MARCHF11: variants seen among roughly 807,000 people sequenced by gnomAD.
MARCHF11 encodes the protein E3 ubiquitin-protein ligase MARCHF11.
Under a neutral mutation model 37.3 loss-of-function variants are expected in MARCHF11, and 29 were observed. That is an observed-to-expected ratio of 0.78 (90% CI 0.58 to 1.06). The LOEUF is 1.06. Ranked by LOEUF, MARCHF11 falls within the 50% of genes least tolerant of loss-of-function variation. The pLI, the probability that MARCHF11 is intolerant of heterozygous loss-of-function variation, is 0.00. For missense variants in MARCHF11, 482 were observed against 533.4 expected, an observed-to-expected ratio of 0.90 and a Z score of 0.95; for synonymous variants, 233 against 228.0, an observed-to-expected ratio of 1.02 and a Z score of -0.20.
chr5:16,134,045 T>C (rs745839245), intron 2 of MARCHF11, among the ~76,000 whole-genome samples: 3 of 152,278 alleles, frequency 2.0e-5, no homozygotes, highest in South Asian at 2.1e-4. Flanking sequence ...GTCAACTCTA[T>C]TGATAAAAAG....
intron 3 of MARCHF11, among the ~76,000 whole-genome samples, chr5:16,068,081 T>C (rs1736378929): frequency 1.3e-5 from 2 of 152,222 alleles, no homozygotes; most frequent in Admixed American, 1.3e-4. Flanking sequence ...TGGGAATTTA[T>C]ATTGCCTTAG....
At chr5:16,112,154 C>G (rs1043998892) in intron 2 of MARCHF11, among the ~76,000 whole-genome samples, 2 of 152,180 alleles carry the variant, frequency 1.3e-5, no homozygotes, top group African/African-American at 4.8e-5. Context: ...CACATGGAGT[C>G]CCCACTGGGG....
At chr5:16,113,443 T>C (rs1318620336) in intron 2 of MARCHF11, among the ~76,000 whole-genome samples, 5 of 152,228 alleles carry the variant, frequency 3.3e-5, no homozygotes, top group South Asian at 4.1e-4. Context: ...CTCAATGTTA[T>C]TATTGTTCGA....
At chr5:16,119,193 T>A (rs768113269) in intron 2 of MARCHF11, among the ~76,000 whole-genome samples, 1 of 151,784 alleles carries the variant, frequency 6.6e-6, no homozygotes, top group Admixed American at 6.6e-5. Context: ...TGAAAACCCA[T>A]CTCCACTAAA....
chr5:16,091,684 C>T (rs897107597), intron 2 of MARCHF11, among the ~76,000 whole-genome samples: 2 of 152,140 alleles, frequency 1.3e-5, no homozygotes, highest in Admixed American at 6.5e-5. Flanking sequence ...AATGGGTAAG[C>T]CATGAAGTAT....
At chr5:16,092,360 A>G (rs1181381592) in intron 2 of MARCHF11, among the ~76,000 whole-genome samples, 1 of 152,228 alleles carries the variant, frequency 6.6e-6, no homozygotes, top group Non-Finnish European at 1.5e-5. Flanking sequence ...TCTAAAGTCA[A>G]TTACCTTATT....
chr5:16,165,630 G>A (rs932214639), intron 2 of MARCHF11, among the ~76,000 whole-genome samples: 3 of 151,936 alleles, frequency 2.0e-5, no homozygotes, highest in Admixed American at 6.6e-5. Context: ...TTTTTCTCAC[G>A]GTTAGACTAT....
intron 3 of MARCHF11, among the ~76,000 whole-genome samples, chr5:16,070,246 T>C (rs1213444738): frequency 1.3e-5 from 2 of 152,204 alleles, no homozygotes; most frequent in African/African-American, 2.4e-5. Flanking sequence ...ATTTAACATT[T>C]CGGGTTCAAT....
intron 2 of MARCHF11, among the ~76,000 whole-genome samples, chr5:16,171,582 T>C (rs1431925748): frequency 6.6e-6 from 1 of 152,186 alleles, no homozygotes; most frequent in African/African-American, 2.4e-5. Context: ...TCAGTCGCTA[T>C]AAGTAAAGTT....
intron 2 of MARCHF11, among the ~76,000 whole-genome samples, chr5:16,164,420 C>G (rs2126606243): frequency 6.6e-6 from 1 of 152,174 alleles, no homozygotes; most frequent in Middle Eastern, 3.4e-3. Context: ...ATCAACTACA[C>G]CATACAGACA....
intron 2 of MARCHF11, 118 bp from the exon 3 acceptor site, chr5:16,091,199 C>T: frequency 1.4e-6 from 1 of 703,322 alleles, no homozygotes; most frequent in Non-Finnish European, 2.1e-6. Flanking sequence ...TCTGATGAGA[C>T]CCCAAATGAA....
chr5:16,095,938 C>T (rs1006376331), intron 2 of MARCHF11, among the ~76,000 whole-genome samples: 9 of 152,190 alleles, frequency 5.9e-5, no homozygotes, highest in Admixed American at 2.0e-4. Flanking sequence ...TAGTTTCCAC[C>T]ACTCATCCAA....
chr5:16,146,444 T>C (rs921537069), intron 2 of MARCHF11, among the ~76,000 whole-genome samples: 1 of 152,182 alleles, frequency 6.6e-6, no homozygotes, highest in African/African-American at 2.4e-5. Context: ...AGTATTCATG[T>C]TGAGGATGAT....
chr5:16,083,284 G>A (rs1736643196), intron 3 of MARCHF11, among the ~76,000 whole-genome samples: 1 of 152,170 alleles, frequency 6.6e-6, no homozygotes, highest in Non-Finnish European at 1.5e-5. Context: ...AGGGAGACCA[G>A]GAAAGAGCTT....
chr5:16,144,278 C>G (rs868676452), intron 2 of MARCHF11, among the ~76,000 whole-genome samples: 2 of 152,092 alleles, frequency 1.3e-5, no homozygotes, highest in South Asian at 2.1e-4. Context: ...AGAATATGTC[C>G]TTGAATAGCC....
At chr5:16,124,089 G>A (rs576997418) in intron 2 of MARCHF11, among the ~76,000 whole-genome samples, 17 of 152,272 alleles carry the variant, frequency 1.1e-4, no homozygotes, top group Middle Eastern at 6.8e-3. Flanking sequence ...AGGAGACAAC[G>A]AGAGTGACGT....
intron 2 of MARCHF11, among the ~76,000 whole-genome samples, chr5:16,130,325 C>A (rs1044432948): frequency 6.6e-6 from 1 of 151,864 alleles, no homozygotes; most frequent in Non-Finnish European, 1.5e-5. Context: ...CTCTGTCTTA[C>A]TAGCCAATAA....
intron 2 of MARCHF11, among the ~76,000 whole-genome samples, chr5:16,146,760 A>C (rs1737802846): frequency 6.6e-6 from 1 of 152,196 alleles, no homozygotes; most frequent in African/African-American, 2.4e-5. Flanking sequence ...ATCTCAATTT[A>C]GCTTTCAACA....
chr5:16,080,272 G>A (rs1368830288), intron 3 of MARCHF11, among the ~76,000 whole-genome samples: 2 of 152,086 alleles, frequency 1.3e-5, no homozygotes, highest in African/African-American at 2.4e-5. Flanking sequence ...GGCACTGTTG[G>A]CCACTTGCTC....
Sources: gnomAD v4.1 joint callset for allele counts (sites outside exome capture counted in the v4.1 genomes callset) on GRCh38, gnomAD v4.1.1 for gene constraint, MANE v1.5 for transcripts, NCBI Gene and HGNC (gene_info 2026-07-23, HGNC 2026-07-21) for gene names.